The following GGT1 variants were observed in gnomAD, a reference collection of about 807,000 sequenced individuals.
The protein encoded by GGT1 is glutathione hydrolase 1 proenzyme.
Under a neutral mutation model 56.0 loss-of-function variants are expected in GGT1, and 21 were observed. That is an observed-to-expected ratio of 0.38 (90% CI 0.27 to 0.54). The LOEUF (loss-of-function observed/expected upper bound fraction) is 0.54. GGT1 is among the 20% of genes least tolerant of loss of function. GGT1 has a pLI of 0.82. For synonymous variants in GGT1, 238 were observed against 342.6 expected, an observed-to-expected ratio of 0.69 and a Z score of 3.37; for missense variants, 466 against 787.0, an observed-to-expected ratio of 0.59 and a Z score of 4.88.
intron 7 of GGT1, chr22:24,615,966 T>C (rs2047031490): frequency 6.6e-6 from 1 of 151,800 alleles, no homozygotes; most frequent in African/African-American, 2.4e-5. Context: ...AAAAAAAAAT[T>C]AGCTAGGTGT....
chr22:24,627,918 C>T lies in GGT1; in HGVS notation c.1275C>T (p.Ser425=), dbSNP rs1305481234. ...ILFNNEMDDF[S]SPSITNEFGV... ...TCAATAATGAAATGGACGACTTCAG[C>T]TCTCCCAGCATCACCAACGAGTTTG... The change falls in exon 13 of 16, where the codon AGC becomes AGT. Residue 425 remains serine, a synonymous_variant. Coordinates refer to ENST00000400382, the MANE Select transcript of GGT1 (RefSeq NM_001288833.2). The T allele has an allele frequency of 6.2e-7, 1 of 1,613,784 alleles. No homozygotes were observed. Among genetic ancestry groups the T allele is most frequent in the Non-Finnish European group, 8.5e-7 (1 of 1,179,856 alleles).
At chr22:24,622,860 C>T (rs529852436) in intron 9 of GGT1, among the ~76,000 whole-genome samples, 8 of 152,310 alleles carry the variant, frequency 5.3e-5, no homozygotes, top group Non-Finnish European at 1.2e-4. Flanking sequence ...GGGTGGTGAG[C>T]AGTGTCAGGG....
upstream of GGT1, among the ~76,000 whole-genome samples, chr22:24,601,771 G>A (rs775151059): frequency 1.3e-4 from 20 of 152,230 alleles, no homozygotes; most frequent in Admixed American, 1.3e-4. Context: ...ATGGTGGGGC[G>A]GCACCCGCCC....
chr22:24,590,069 G>A (rs918629173), upstream of GGT1: 8 of 1,221,396 alleles, frequency 6.5e-6, no homozygotes, highest in Middle Eastern at 4.8e-4. Context: ...CCCTAAGGCT[G>A]GCTGGATTCT....
chr22:24,595,159 C>T (rs73879088), intron 1 of GGT1, among the ~76,000 whole-genome samples: 4,390 of 152,256 alleles, frequency 0.029, 198 homozygotes, highest in African/African-American at 0.099. Flanking sequence ...TGCCTCTCAT[C>T]CCCCACCCTC....
intron 6 of GGT1, 47 bp downstream of exon 6, chr22:24,614,953 T>C (rs1601707300): frequency 1.5e-6 from 2 of 1,374,514 alleles, no homozygotes; most frequent in African/African-American, 1.5e-5. Context: ...GGGTGTGGGT[T>C]GGGCCGAGGC....
intron 1 of GGT1, chr22:24,598,073 T>C (rs1423028489): frequency 6.6e-6 from 1 of 152,224 alleles, no homozygotes; most frequent in Non-Finnish European, 1.5e-5. Flanking sequence ...TTTCAAAGGA[T>C]GTTTTATTTT....
In GGT1 at chr22:24,607,738, C is replaced by T. The variant is rs527545604; in HGVS notation, c.-428-216C>T. On this transcript the variant is annotated intron_variant, in intron 1 of 15. Coordinates refer to ENST00000400382, the MANE Select transcript of GGT1 (RefSeq NM_001288833.2). ...TGGCTGGTCTCTTGGACTAGGTAAG[C>T]TCATGAGTCCTCTGGCCGCTCCTGC... 10 of 307,934 alleles carry T rather than the reference C, an allele frequency of 3.2e-5. No homozygotes were observed. The East Asian group carries it at 1.1e-3, about 33-fold the overall frequency. 19.1% of individuals were successfully genotyped at this position (307,934 alleles called of 1,614,324 possible). A position where few individuals can be genotyped will look rare whatever the true frequency, so the allele number is the denominator to read the frequency against.
intron 7 of GGT1, among the ~76,000 whole-genome samples, chr22:24,619,637 C>T (rs1227802019): frequency 2.6e-5 from 4 of 152,086 alleles, no homozygotes; most frequent in Non-Finnish European, 5.9e-5. Context: ...GGGGACAGGA[C>T]GGAGGTTAAG....
intron 7 of GGT1, among the ~76,000 whole-genome samples, chr22:24,619,508 G>T (rs1206360390): frequency 3.9e-5 from 6 of 152,040 alleles, no homozygotes; most frequent in Non-Finnish European, 8.8e-5. Context: ...AGCCAAGGCT[G>T]CAGTGAGCCA....
At chr22:24,585,865 A>G in the GGT1 span, 1 of 1,551,656 alleles carries the variant, frequency 6.4e-7, no homozygotes, top group Non-Finnish European at 8.7e-7. Flanking sequence ...GTCAGTAGCA[A>G]TGAGCCAGGT....
At chr22:24,603,576 C>T (rs1033464891) in intron 1 of GGT1, 49 bp downstream of exon 1, 1 of 152,368 alleles carries the variant, frequency 6.6e-6, no homozygotes, top group Non-Finnish European at 1.5e-5. Flanking sequence ...GGCTGGGGGC[C>T]TCTGTTTCTT....
intron 1 of GGT1, among the ~76,000 whole-genome samples, chr22:24,596,206 G>A (rs539087319): frequency 6.6e-6 from 1 of 152,324 alleles, no homozygotes; most frequent in South Asian, 2.1e-4. Context: ...GTAACCATAG[G>A]CAGAGTAAGG....
rs972724686 is a variant in GGT1 at position 24,624,061 on chromosome 22, G to T, written c.1020+145G>T. On this transcript the variant is annotated intron_variant, in intron 11 of 15. Coordinates refer to ENST00000400382, the MANE Select transcript of GGT1 (RefSeq NM_001288833.2). ...CGATTGCGGGCCTACTGTGTGCTCG[G>T]ATGGACTCGTGGGTGACCCCCAGTC... 3.1e-5 allele frequency: 46 copies of T among 1,506,398 alleles called. No homozygotes were observed. In the African/African-American group the frequency reaches 6.0e-4, roughly 20 times the overall value. 93.3% of individuals were successfully genotyped at this position (1,506,398 alleles called of 1,614,324 possible). A position where few individuals can be genotyped will look rare whatever the true frequency, so the allele number is the denominator to read the frequency against.
rs200989095 is a variant in GGT1, at chr22:24,628,308, G to A, written c.1483G>A (p.Val495Met). 141 of 1,611,478 alleles carry A rather than the reference G, an allele frequency of 8.7e-5. No homozygotes were observed. The highest frequency in any genetic ancestry group is 1.7e-4 in the Admixed American group (10 of 59,988). The change falls in exon 15 of 16, where the codon GTG becomes ATG. Residue 495 changes from valine to methionine, a missense_variant. Val to Met is a conservative substitution (Grantham distance 21). This residue lies in a region of GGT1 where 456 missense variants were observed against 716.7 expected (regional missense o/e 0.64). Transcript: ENST00000400382. The surrounding 1 kb of genome is among the most constrained non-coding windows in gnomAD (Gnocchi z 5.7). ...IIYNLWFGYD[V>M]KRAVEEPRLH... Reference sequence around the variant, plus strand: ...CTACAACCTCTGGTTCGGCTATGACGTGAAGCGGGCCGTGGAGGAGCCCCG... The same window carrying A: ...CTACAACCTCTGGTTCGGCTATGACATGAAGCGGGCCGTGGAGGAGCCCCG...
intron 5 of GGT1, among the ~76,000 whole-genome samples, chr22:24,614,348 CAAAAAAAAAA>C (rs534749815): frequency 7.3e-3 from 78 of 10,742 alleles, no homozygotes; most frequent in Middle Eastern, 0.071. Flanking sequence ...GACTTTGTCT[CAAAAAAAAAA>C]AAAAAAAAAA....
chr22:24,624,961 C>T (rs1045935783), intron 11 of GGT1, among the ~76,000 whole-genome samples: 2 of 152,044 alleles, frequency 1.3e-5, no homozygotes, highest in African/African-American at 2.4e-5. Context: ...TCACCACACT[C>T]TCCTCGAGTT....
intron 5 of GGT1, among the ~76,000 whole-genome samples, chr22:24,614,185 CACAA>C (rs890840819): frequency 6.9e-4 from 104 of 151,534 alleles, no homozygotes; most frequent in African/African-American, 2.0e-3. Flanking sequence ...CTACAAAATA[CACAA>C]ACAAACAAAA....
chr22:24,614,261 G>A (rs1438312720), intron 5 of GGT1, among the ~76,000 whole-genome samples: 1 of 145,708 alleles, frequency 6.9e-6, no homozygotes, highest in Non-Finnish European at 1.5e-5. Flanking sequence ...AGATGGGAGG[G>A]TCAATTGAGC....
Sources: gnomAD v4.1 joint callset for allele counts (sites outside exome capture counted in the v4.1 genomes callset) on GRCh38, gnomAD v4.1.1 for gene constraint, gnomAD v4.1.1 regional missense constraint, Gnocchi (gnomAD v3.1) non-coding constraint, MANE v1.5 for transcripts, NCBI Gene and HGNC (gene_info 2026-07-23, HGNC 2026-07-21) for gene names.